ACTR3C: variants seen among roughly 807,000 people sequenced by gnomAD.
The protein encoded by ACTR3C is actin-related protein 3C.
A neutral mutation model predicts 26.3 loss-of-function variants in ACTR3C; 18 were observed. The ratio of observed to expected loss-of-function variants is 0.68; its 90% confidence interval spans 0.47 to 1.01. ACTR3C has a LOEUF of 1.01. Among genes scored for constraint, ACTR3C ranks in the 50% least tolerant of loss-of-function variants. ACTR3C has a pLI of 0.00. For missense variants in ACTR3C, 184 were observed against 250.7 expected, an observed-to-expected ratio of 0.73 and a Z score of 1.80; for synonymous variants, 55 against 94.5, an observed-to-expected ratio of 0.58 and a Z score of 2.42.
the ACTR3C span, among the ~76,000 whole-genome samples, chr7:149,993,679 C>T: frequency 3.3e-5 from 5 of 152,022 alleles, no homozygotes; most frequent in East Asian, 9.7e-4. Context: ...CAATCCCCAC[C>T]CACAGACCCC....
At chr7:150,198,685 C>A in the ACTR3C span, among the ~76,000 whole-genome samples, 1 of 148,734 alleles carries the variant, frequency 6.7e-6, no homozygotes, top group Admixed American at 6.6e-5. Context: ...CCTCTCCGCC[C>A]GGCAGCCACC....
the ACTR3C span, among the ~76,000 whole-genome samples, chr7:150,033,825 C>A: frequency 6.9e-3 from 1,041 of 150,152 alleles, no homozygotes; most frequent in African/African-American, 0.024. Context: ...GCTCTCAGTC[C>A]CTGCCTCGTG....
chr7:150,032,929 T>A, the ACTR3C span, among the ~76,000 whole-genome samples: 1 of 152,096 alleles, frequency 6.6e-6, no homozygotes, highest in Non-Finnish European at 1.5e-5. Flanking sequence ...TGGGGTGGAT[T>A]CCGGGCACTT....
chr7:150,272,690 G>GTT lies in ACTR3C; in HGVS notation c.564+12061_564+12062dup, dbSNP rs201919346. ...AGTGTCTTTTTTGTGTGTTTTTTTG[G>GTT]TTTTTTTTTTTTTTTTTTGAGACAA... is the stretch of plus-strand genomic sequence containing the variant. On this transcript the variant is annotated intron_variant, in intron 6 of 7. Transcript: ENST00000683684. 1.2e-3 allele frequency among the ~76,000 whole-genome samples: 136 copies of GTT among 113,972 alleles called. 17 individuals carry two copies. The highest frequency in any genetic ancestry group is 2.8e-3 in the African/African-American group (72 of 25,298). The allele number at this position is 113,972 out of a possible 152,430, so 74.8% of individuals were successfully genotyped here. A position where few individuals can be genotyped will look rare whatever the true frequency, so the allele number is the denominator to read the frequency against.
the ACTR3C span, among the ~76,000 whole-genome samples, chr7:150,037,822 A>T: frequency 0.18 from 8,532 of 48,034 alleles, 1,615 homozygotes; most frequent in African/African-American, 0.32. Context: ...AGGGACTGGC[A>T]CTCAGTCCCT....
At chr7:149,965,850 T>G in the ACTR3C span, among the ~76,000 whole-genome samples, 33,925 of 151,184 alleles carry the variant, frequency 0.22, 4,287 homozygotes, top group South Asian at 0.35. Context: ...TTTAGAACTT[T>G]TGGAAAGCAG....
chr7:150,039,935 C>A, the ACTR3C span, among the ~76,000 whole-genome samples: 1 of 132,062 alleles, frequency 7.6e-6, no homozygotes, highest in South Asian at 2.4e-4. Flanking sequence ...TGCAAAGAGC[C>A]AGGGGAGGAA....
the ACTR3C span, among the ~76,000 whole-genome samples, chr7:150,077,364 A>G: frequency 1.3e-5 from 2 of 152,140 alleles, no homozygotes; most frequent in African/African-American, 4.8e-5. Flanking sequence ...AGGAGGTATT[A>G]TTCACCTTCT....
the ACTR3C span, among the ~76,000 whole-genome samples, chr7:150,232,782 C>A: frequency 6.7e-6 from 1 of 149,826 alleles, no homozygotes; most frequent in Non-Finnish European, 1.5e-5. Flanking sequence ...ATGATCATAT[C>A]ACTGCACTCC....
the ACTR3C span, among the ~76,000 whole-genome samples, chr7:150,130,417 C>A: frequency 6.6e-6 from 1 of 152,100 alleles, no homozygotes; most frequent in Non-Finnish European, 1.5e-5. Flanking sequence ...AAGCTATCTG[C>A]AAAACATTTA....
At chr7:150,038,097 T>TC in the ACTR3C span, among the ~76,000 whole-genome samples, 1 of 130,184 alleles carries the variant, frequency 7.7e-6, no homozygotes, top group Non-Finnish European at 1.7e-5. Flanking sequence ...TCCCCCCCTG[T>TC]GATGGGAGTC....
chr7:150,064,425 C>T, the ACTR3C span, among the ~76,000 whole-genome samples: 11 of 143,944 alleles, frequency 7.6e-5, 1 homozygote, highest in East Asian at 1.8e-3. Flanking sequence ...ATTAGCCAGG[C>T]GTGGTGGTGG....
At chr7:150,085,958 ATT>A in the ACTR3C span, among the ~76,000 whole-genome samples, 2 of 148,562 alleles carry the variant, frequency 1.3e-5, no homozygotes, top group Non-Finnish European at 3.0e-5. Flanking sequence ...CTAGCCCATG[ATT>A]TTTTTTTTCT....
intron 6 of ACTR3C, chr7:150,264,447 G>C (rs1833877621): frequency 4.1e-6 from 2 of 490,906 alleles, no homozygotes. Flanking sequence ...AGAAAACTCA[G>C]AAAGGAACAT....
chr7:150,212,389 A>G, the ACTR3C span, among the ~76,000 whole-genome samples: 1 of 148,520 alleles, frequency 6.7e-6, no homozygotes, highest in Admixed American at 6.6e-5. Flanking sequence ...TATGTATTTT[A>G]CTGATAAAAT....
At chr7:149,891,686 A>T in the ACTR3C span, among the ~76,000 whole-genome samples, 84,494 of 141,484 alleles carry the variant, frequency 0.6, 27,305 homozygotes, top group South Asian at 0.78. Flanking sequence ...TCAGCCAGGC[A>T]TGGTGGTGCG....
the ACTR3C span, among the ~76,000 whole-genome samples, chr7:150,057,114 A>C: frequency 6.6e-6 from 1 of 152,116 alleles, no homozygotes; most frequent in Non-Finnish European, 1.5e-5. Context: ...ATTTTATCAA[A>C]TAACATAGAA....
chr7:149,925,335 G>A, the ACTR3C span, among the ~76,000 whole-genome samples: 2,185 of 152,178 alleles, frequency 0.014, 53 homozygotes, highest in African/African-American at 0.049. Context: ...ATGCCATCAG[G>A]CTTTCTCTCC....
chr7:150,134,216 A>T, the ACTR3C span, among the ~76,000 whole-genome samples: 1 of 150,626 alleles, frequency 6.6e-6, no homozygotes, highest in Non-Finnish European at 1.5e-5. Context: ...TTTTTTAAAA[A>T]AAAGGCTATA....
Sources: gnomAD v4.1 joint callset for allele counts (sites outside exome capture counted in the v4.1 genomes callset) on GRCh38, gnomAD v4.1.1 for gene constraint, MANE v1.5 for transcripts, NCBI Gene and HGNC (gene_info 2026-07-23, HGNC 2026-07-21) for gene names.